FHL5: variants seen among roughly 807,000 people sequenced by gnomAD.
FHL5 encodes four and a half LIM domains protein 5.
A neutral mutation model predicts 32.0 loss-of-function variants in FHL5; 33 were observed. That is an observed-to-expected ratio of 1.03 (90% CI 0.78 to 1.38). The LOEUF is 1.38. Among genes scored for constraint, FHL5 ranks in the 40% most tolerant of loss-of-function variants. The pLI is 0.00. For synonymous variants in FHL5, 114 were observed against 113.6 expected (o/e 1.00, Z -0.02); for missense variants, 336 against 343.9 (o/e 0.98, Z 0.18).
chr6:96,583,690 G>A (rs944623991), intron 1 of FHL5, among the ~76,000 whole-genome samples: 5 of 151,910 alleles, frequency 3.3e-5, no homozygotes, highest in Non-Finnish European at 1.5e-5. Context: ...ATCTTCCTTG[G>A]CTGATATTCA....
chr6:96,571,445 G>A (rs1259431700), intron 1 of FHL5, among the ~76,000 whole-genome samples: 1 of 152,170 alleles, frequency 6.6e-6, no homozygotes, highest in Non-Finnish European at 1.5e-5. Flanking sequence ...AGTCTGACAT[G>A]GCCTACAAGC....
chr6:96,574,141 G>A (rs145388888), intron 1 of FHL5, among the ~76,000 whole-genome samples: 56 of 151,908 alleles, frequency 3.7e-4, no homozygotes, highest in Admixed American at 2.6e-3. Flanking sequence ...ATACTCTTCC[G>A]AATACCATGT....
intron 1 of FHL5, 121 bp downstream of exon 1, chr6:96,563,476 T>C (rs1319790024): frequency 6.6e-6 from 1 of 152,114 alleles, no homozygotes; most frequent in Non-Finnish European, 1.5e-5. Flanking sequence ...GAGAAAACTT[T>C]TGCTTGGCAA....
At chr6:96,604,150 CA>C (rs1346793264) in intron 2 of FHL5, among the ~76,000 whole-genome samples, 1 of 152,096 alleles carries the variant, frequency 6.6e-6, no homozygotes, top group Non-Finnish European at 1.5e-5. Flanking sequence ...TGAAAGGATT[CA>C]AAATCTGTTT....
intron 1 of FHL5, among the ~76,000 whole-genome samples, chr6:96,599,613 C>T (rs1771109051): frequency 6.6e-6 from 1 of 152,178 alleles, no homozygotes; most frequent in Non-Finnish European, 1.5e-5. Flanking sequence ...TCATTGTCTT[C>T]ATTATGTTCT....
At chr6:96,612,812 C>A (rs9386670) in intron 5 of FHL5, among the ~76,000 whole-genome samples, 48,821 of 151,926 alleles carry the variant, frequency 0.32, 7,917 homozygotes, top group Middle Eastern at 0.38. Context: ...ACTCACTTTA[C>A]TATTTCTTCA....
chr6:96,600,562 G>T (rs1027948800), intron 1 of FHL5, among the ~76,000 whole-genome samples: 1 of 151,786 alleles, frequency 6.6e-6, no homozygotes, highest in Non-Finnish European at 1.5e-5. Flanking sequence ...TCCTAGGAAG[G>T]TCTCTCCTCA....
chr6:96,616,406 A>T lies in FHL5; in HGVS notation c.*634A>T, dbSNP rs979571546. ...TCAATGGAATATGAGAACTGAGGAC[A>T]TTATGGCTCTCATAATCTGCATAGG... On this transcript the variant is annotated 3_prime_UTR_variant, in exon 6 of 6. Coordinates refer to ENST00000450218, the MANE Select transcript of FHL5 (RefSeq NM_001322466.2). 2.6e-5 allele frequency: 4 copies of T among 152,242 alleles called. No individual in the cohort carries two copies. The highest frequency in any genetic ancestry group is 6.5e-5 in the Admixed American group (1 of 15,282). The allele number at this position is 152,242 out of a possible 1,614,324, so 9.4% of individuals were successfully genotyped here.
At chr6:96,612,647 C>G (rs911981599) in intron 5 of FHL5, among the ~76,000 whole-genome samples, 1 of 151,832 alleles carries the variant, frequency 6.6e-6, no homozygotes, top group Non-Finnish European at 1.5e-5. Context: ...ATAATCTGAC[C>G]CAAAAGTAAT....
At position 96,609,895 on chromosome 6, in the gene FHL5, A is replaced by C. The variant is rs1199970936; in HGVS notation, c.505-677A>C. ...TCATCTGAAAAGAGGGAAAGATAAT[A>C]GTCTGTAGTATGTAGAGGTGTTGAG... On this transcript the variant is annotated intron_variant, in intron 4 of 5. Transcript: ENST00000450218. Among the ~76,000 whole-genome samples the C allele has an allele frequency of 3.9e-5, 6 of 152,190 alleles. No individual in the cohort carries two copies. The South Asian group carries it at 6.2e-4, about 16-fold the overall frequency.
chr6:96,597,380 A>G (rs887905574), intron 1 of FHL5, among the ~76,000 whole-genome samples: 2 of 152,024 alleles, frequency 1.3e-5, no homozygotes, highest in African/African-American at 4.8e-5. Context: ...AAAAAATCAC[A>G]TTTTGTACAG....
chr6:96,604,426 C>A (rs1771226247), intron 2 of FHL5, among the ~76,000 whole-genome samples: 1 of 151,848 alleles, frequency 6.6e-6, no homozygotes, highest in Non-Finnish European at 1.5e-5. Flanking sequence ...GAACATTGCA[C>A]CCTAAAATTT....
intron 2 of FHL5, 34 bp downstream of exon 2, chr6:96,603,806 T>C: frequency 6.4e-7 from 1 of 1,567,780 alleles, no homozygotes; most frequent in Non-Finnish European, 8.7e-7. Flanking sequence ...AATTACTGCC[T>C]ATGAACAGCA....
chr6:96,586,373 A>G (rs1229400168), intron 1 of FHL5, among the ~76,000 whole-genome samples: 1 of 152,240 alleles, frequency 6.6e-6, no homozygotes, highest in Non-Finnish European at 1.5e-5. Context: ...ACACTGAAAT[A>G]AACTCATACT....
intron 4 of FHL5, among the ~76,000 whole-genome samples, chr6:96,609,819 C>A (rs186049345): frequency 5.3e-5 from 8 of 152,190 alleles, no homozygotes; most frequent in Non-Finnish European, 1.2e-4. Context: ...TGAATCCTAG[C>A]TCACTATGGC....
At chr6:96,604,074 C>A (rs189583623) in intron 2 of FHL5, among the ~76,000 whole-genome samples, 3 of 152,082 alleles carry the variant, frequency 2.0e-5, no homozygotes, top group Non-Finnish European at 4.4e-5. Context: ...CTCTCAGTAA[C>A]CTTCTGGGTG....
intron 5 of FHL5, among the ~76,000 whole-genome samples, chr6:96,611,055 T>C (rs9486705): frequency 0.12 from 17,764 of 152,230 alleles, 2,172 homozygotes; most frequent in African/African-American, 0.32. Context: ...GAGAGGTTAG[T>C]GCAGGCCTTC....
chr6:96,564,397 T>C (rs1040666324), intron 1 of FHL5, among the ~76,000 whole-genome samples: 2 of 152,208 alleles, frequency 1.3e-5, no homozygotes, highest in African/African-American at 2.4e-5. Flanking sequence ...AGGTAAACTC[T>C]AGTGTCTGTT....
intron 1 of FHL5, among the ~76,000 whole-genome samples, chr6:96,593,059 A>G (rs774496444): frequency 6.6e-6 from 1 of 151,914 alleles, no homozygotes. Flanking sequence ...ACCTTTTATC[A>G]TCATGCTTAA....
Sources: gnomAD v4.1 joint callset for allele counts (sites outside exome capture counted in the v4.1 genomes callset) on GRCh38, gnomAD v4.1.1 for gene constraint, MANE v1.5 for transcripts, NCBI Gene and HGNC (gene_info 2026-07-23, HGNC 2026-07-21) for gene names.